ZNF721: variants seen among roughly 807,000 people sequenced by gnomAD.
The protein encoded by ZNF721 is zinc finger protein 721.
In ZNF721, 2 loss-of-function variants were observed where a neutral mutation model predicts 2.4. The ratio of observed to expected loss-of-function variants is 0.82; its 90% CI spans 0.34 to 2.58. ZNF721 has a LOEUF of 2.58. Ranked by LOEUF, ZNF721 falls within the 30% of genes most tolerant of loss-of-function variation. ZNF721 has a pLI of 0.11. For missense variants in ZNF721, 1,187 were observed against 1,085.5 expected, an observed-to-expected ratio of 1.09 and a Z score of -1.31; for synonymous variants, 398 against 381.8, an observed-to-expected ratio of 1.04 and a Z score of -0.50.
chr4:466,946 C>T (rs1256438871), intron 2 of ZNF721, among the ~76,000 whole-genome samples: 7 of 152,156 alleles, frequency 4.6e-5, no homozygotes, highest in African/African-American at 7.2e-5. Flanking sequence ...TGGCCGGGCG[C>T]GGTGGCTCAC....
rs567258384 is a variant in ZNF721, at chr4:442,393, T to C, written c.2074A>G (p.Thr692Ala). The C allele has an allele frequency of 1.2e-6, 2 of 1,613,936 alleles. No individual in the cohort carries two copies. The highest frequency in any genetic ancestry group is 4.5e-5 in the East Asian group (2 of 44,862). ...TCACATTTGTAAGGTTTTTCTCCAG[T>C]ATGAATTTTCTTGTGTTGATTCAGG... ...IALNQHKKIH[T>A]GEKPYKCEEC... The change falls in exon 3 of 3, where the codon ACT becomes GCT. Residue 692 changes from threonine (T) to alanine (A), a missense_variant. Thr to Ala is a moderately conservative substitution (Grantham distance 58, BLOSUM62 0). Coordinates refer to ENST00000511833, the MANE Select transcript of ZNF721 (RefSeq NM_133474.4).
At chr4:456,050 TTTTATTTATTTATTTA>T (rs59869428) in intron 2 of ZNF721, among the ~76,000 whole-genome samples, 16 of 144,334 alleles carry the variant, frequency 1.1e-4, no homozygotes, top group Admixed American at 3.5e-4. Flanking sequence ...CCAAAAAAAT[TTTTATTTATTTATTTA>T]TTTATTTATT....
At position 454,615 on chromosome 4, in the gene ZNF721, A is replaced by G. The variant is rs1553865237; in HGVS notation, c.35-10183T>C. Among the ~76,000 whole-genome samples the G allele has an allele frequency of 2.0e-5, 3 of 152,280 alleles. No homozygotes were observed. In the East Asian group the frequency reaches 5.8e-4, roughly 29 times the overall value. On this transcript the variant is annotated intron_variant, in intron 2 of 2. Transcript: ENST00000511833. ...TTTTAGTTCTCCTGTGCTTACCTGT[A>G]TCTGTAATCTATATCAACTATGCCT...
intron 1 of ZNF721, chr4:473,963 C>A: frequency 6.6e-7 from 1 of 1,506,754 alleles, no homozygotes. Flanking sequence ...CTTGGGACGC[C>A]CTGCCCCGCA....
At chr4:470,637 C>T (rs1018346707) in intron 2 of ZNF721, among the ~76,000 whole-genome samples, 26 of 152,096 alleles carry the variant, frequency 1.7e-4, no homozygotes, top group Middle Eastern at 3.4e-3. Context: ...TCGCTTGAAC[C>T]CAGGAGGCAG....
intron 2 of ZNF721, among the ~76,000 whole-genome samples, chr4:450,676 G>A (rs1714618463): frequency 6.6e-6 from 1 of 151,330 alleles, no homozygotes; most frequent in South Asian, 2.1e-4. Flanking sequence ...GTTGGCTCAT[G>A]CCTGTAATCC....
At chr4:490,077 T>G (rs1185623973) in intron 1 of ZNF721, among the ~76,000 whole-genome samples, 4 of 151,814 alleles carry the variant, frequency 2.6e-5, no homozygotes, top group African/African-American at 9.7e-5. Context: ...CCAGGATGGT[T>G]TAGATCCCCT....
intron 1 of ZNF721, among the ~76,000 whole-genome samples, chr4:479,797 G>A (rs1161492328): frequency 6.6e-6 from 1 of 152,244 alleles, no homozygotes; most frequent in Admixed American, 6.5e-5. Flanking sequence ...TCCTGAGAGT[G>A]GAGGTGCTTG....
At chr4:498,215 GAAAAAAAAAA>G (rs797042296) in intron 1 of ZNF721, among the ~76,000 whole-genome samples, 6,005 of 84,098 alleles carry the variant, frequency 0.071, 112 homozygotes, top group African/African-American at 0.13. Flanking sequence ...AAAAGAAAAA[GAAAAAAAAAA>G]AAAAAAAAAA....
rs781941891 is a variant in ZNF721, at chr4:443,982, T to C, written c.485A>G (p.Glu162Gly). The change falls in exon 3 of 3, where the codon GAG (glutamate) becomes GGG (glycine). Residue 162 changes from glutamate (E) to glycine (G), a missense_variant. Transcript: ENST00000511833. ...ACATTCTTCACATTTGTAAGGTTTCTCTCCAGTATGAATTTTCTTGTGTTG... is the reference window on the plus strand; with the variant it reads ...ACATTCTTCACATTTGTAAGGTTTCCCTCCAGTATGAATTTTCTTGTGTTG... ...LNQHKKIHTG[E>G]KPYKCEECGK... The C allele has an allele frequency of 2.5e-5, 40 of 1,614,182 alleles. No homozygotes were observed. Among genetic ancestry groups the C allele is most frequent in the Middle Eastern group, 3.3e-4 (2 of 6,062 alleles).
At chr4:475,186 C>T (rs1485489370) in intron 1 of ZNF721, among the ~76,000 whole-genome samples, 1 of 138,320 alleles carries the variant, frequency 7.2e-6, no homozygotes, top group Non-Finnish European at 1.6e-5. Flanking sequence ...GACTCCGTCT[C>T]AAAAAAAAAA....
intron 1 of ZNF721, among the ~76,000 whole-genome samples, chr4:489,264 G>C (rs538945502): frequency 5.8e-4 from 89 of 152,224 alleles, no homozygotes; most frequent in Non-Finnish European, 1.1e-3. Context: ...CCTCCCATTT[G>C]GGCAGAACCC....
At chr4:460,948 G>C (rs1456118190) in intron 2 of ZNF721, among the ~76,000 whole-genome samples, 1 of 152,178 alleles carries the variant, frequency 6.6e-6, no homozygotes, top group Non-Finnish European at 1.5e-5. Flanking sequence ...AATTGAGGCA[G>C]TAATTAATAG....
intron 1 of ZNF721, among the ~76,000 whole-genome samples, chr4:487,982 T>C (rs1715937563): frequency 6.6e-6 from 1 of 152,194 alleles, no homozygotes; most frequent in Admixed American, 6.5e-5. Flanking sequence ...GCACAGACCA[T>C]GCCTTCATCT....
intron 2 of ZNF721, chr4:453,355 T>TG (rs1714733696): frequency 6.6e-6 from 1 of 152,180 alleles, no homozygotes; most frequent in South Asian, 2.1e-4. Flanking sequence ...TAAAGAGGTT[T>TG]GGGGAAAAAA....
chr4:458,596 CAGCACTTTGGAGGCCA>C (rs1553865673), intron 2 of ZNF721, among the ~76,000 whole-genome samples: 1 of 152,148 alleles, frequency 6.6e-6, no homozygotes, highest in African/African-American at 2.4e-5. Flanking sequence ...CCTGTAATCC[CAGCACTTTGGAGGCCA>C]AGGCGGGCAT....
intron 1 of ZNF721, among the ~76,000 whole-genome samples, chr4:496,422 G>T (rs1465487976): frequency 7.9e-5 from 12 of 151,850 alleles, no homozygotes; most frequent in East Asian, 3.9e-4. Context: ...ATGTTCTTCT[G>T]GGGGGGAAAC....
At chr4:498,932 GC>G (rs1716502246) in intron 1 of ZNF721, 123 bp downstream of exon 1, 1 of 185,314 alleles carries the variant, frequency 5.4e-6, no homozygotes, top group Non-Finnish European at 1.1e-5. Context: ...CACCATGTTG[GC>G]CAGGATAGTC....
chr4:444,979 CTTT>C (rs569762644), intron 2 of ZNF721, among the ~76,000 whole-genome samples: 17,391 of 107,732 alleles, frequency 0.16, 1,186 homozygotes, highest in Non-Finnish European at 0.21. Flanking sequence ...TGATGAGAGA[CTTT>C]TTTTTTTTTT....
Sources: allele counts gnomAD v4.1 joint callset (sites outside exome capture counted in the v4.1 genomes callset), GRCh38; gene constraint gnomAD v4.1.1; transcripts MANE v1.5; gene names NCBI Gene and HGNC (gene_info 2026-07-23, HGNC 2026-07-21).